SH2D4A: variants seen among roughly 807,000 people sequenced by gnomAD.
SH2D4A encodes SH2 domain-containing protein 4A.
A neutral mutation model predicts 64.7 loss-of-function variants in SH2D4A; 70 were observed. That is an observed-to-expected ratio of 1.08 (90% CI 0.89 to 1.32). The LOEUF (loss-of-function observed/expected upper bound fraction) is 1.32. Ranked by LOEUF, SH2D4A falls within the 40% of genes most tolerant of loss-of-function variation. The pLI is 0.00. For synonymous variants in SH2D4A, 268 were observed against 200.7 expected (o/e 1.34, Z -2.83); for missense variants, 706 against 540.1 (o/e 1.31, Z -3.04).
Position 19,393,350 on chromosome 8 carries a change from C to A in SH2D4A, c.1081C>A (p.Leu361Ile), listed in dbSNP as rs940204981. The A allele has an allele frequency of 3.7e-6, 6 of 1,614,106 alleles. No individual in the cohort carries two copies. The African/African-American group carries it at 6.7e-5, about 18-fold the overall frequency. The stretch of plus-strand genomic sequence containing the variant: ...CACACTCAAGAAAGCAAATGAACTT[C>A]TTCTGAGCACAGGCATGCCCGGCAG... ...ILTLKKANELLLSTGMPGSFL... is the reference protein window; with the variant it reads ...ILTLKKANELILSTGMPGSFL... The change falls in exon 9 of 10, where the codon CTT (leucine) becomes ATT (isoleucine). Residue 361 changes from leucine to isoleucine, a missense_variant. Leu to Ile is a conservative substitution (Grantham distance 5, BLOSUM62 2). Coordinates refer to ENST00000265807, the MANE Select transcript of SH2D4A (RefSeq NM_022071.4).
chr8:19,391,846 C>A (rs922575455), intron 8 of SH2D4A, among the ~76,000 whole-genome samples: 1 of 152,222 alleles, frequency 6.6e-6, no homozygotes, highest in East Asian at 1.9e-4. Flanking sequence ...CAGCCCCTTG[C>A]CTTTTCCTGA....
chr8:19,381,212 G>A (rs2153651118), intron 8 of SH2D4A, among the ~76,000 whole-genome samples: 1 of 152,086 alleles, frequency 6.6e-6, no homozygotes, highest in South Asian at 2.1e-4. Context: ...ACCATGCCTG[G>A]CTAATTTTTG....
intron 4 of SH2D4A, among the ~76,000 whole-genome samples, chr8:19,351,397 A>G (rs966219147): frequency 8.5e-5 from 13 of 152,196 alleles, no homozygotes; most frequent in African/African-American, 3.1e-4. Flanking sequence ...AGGTCAGGAG[A>G]TGGAGACCAT....
At chr8:19,329,265 C>T (rs1278005701) in intron 2 of SH2D4A, among the ~76,000 whole-genome samples, 1 of 152,172 alleles carries the variant, frequency 6.6e-6, no homozygotes, top group Non-Finnish European at 1.5e-5. Flanking sequence ...TCCCCTGAAT[C>T]CTCACTGGAC....
intron 7 of SH2D4A, among the ~76,000 whole-genome samples, chr8:19,369,991 AGGATT>A (rs1318521309): frequency 6.6e-6 from 1 of 152,044 alleles, no homozygotes; most frequent in African/African-American, 2.4e-5. Context: ...TGTATCCCAT[AGGATT>A]TGGTATGTTG....
At chr8:19,358,028 C>T (rs1000023311) in intron 5 of SH2D4A, among the ~76,000 whole-genome samples, 1 of 152,180 alleles carries the variant, frequency 6.6e-6, no homozygotes, top group Non-Finnish European at 1.5e-5. Flanking sequence ...CATGAACTTG[C>T]ATTTTTAAGA....
At chr8:19,343,019 CCT>C (rs773245663) in intron 4 of SH2D4A, among the ~76,000 whole-genome samples, 1 of 152,126 alleles carries the variant, frequency 6.6e-6, no homozygotes, top group African/African-American at 2.4e-5. Flanking sequence ...TTTAGAGCAG[CCT>C]CTCTGCCCTG....
chr8:19,386,740 T>C (rs1349953284), intron 8 of SH2D4A, among the ~76,000 whole-genome samples: 1 of 152,216 alleles, frequency 6.6e-6, no homozygotes, highest in African/African-American at 2.4e-5. Flanking sequence ...TAATTTAGTA[T>C]TTTAAAAGCC....
At chr8:19,333,625 G>C (rs2052397755) in intron 3 of SH2D4A, among the ~76,000 whole-genome samples, 1 of 152,150 alleles carries the variant, frequency 6.6e-6, no homozygotes, top group African/African-American at 2.4e-5. Flanking sequence ...AAGGTACTGG[G>C]AATTCAAAGA....
chr8:19,375,286 C>T (rs773702147), intron 8 of SH2D4A: 8 of 152,168 alleles, frequency 5.3e-5, no homozygotes, highest in Non-Finnish European at 1.2e-4. Context: ...TACAGTTTCA[C>T]ATTTTCATGA....
chr8:19,324,045 CTG>C (rs1421895531), intron 2 of SH2D4A, among the ~76,000 whole-genome samples: 2 of 152,222 alleles, frequency 1.3e-5, no homozygotes, highest in African/African-American at 4.8e-5. Flanking sequence ...TGACTTTTGT[CTG>C]AAGCTACCTT....
At chr8:19,357,329 T>A (rs762638023) in intron 5 of SH2D4A, 46 bp downstream of exon 5, 3 of 1,289,020 alleles carry the variant, frequency 2.3e-6, no homozygotes, top group Middle Eastern at 1.9e-4. Flanking sequence ...TACCTAGGCA[T>A]TTCCACTAAT....
At chr8:19,335,419 G>T (rs1021147481) in intron 4 of SH2D4A, among the ~76,000 whole-genome samples, 1 of 152,142 alleles carries the variant, frequency 6.6e-6, no homozygotes, top group African/African-American at 2.4e-5. Flanking sequence ...AATGCAATTT[G>T]GCATTTTAAG....
chr8:19,386,175 G>A (rs1466997867), intron 8 of SH2D4A, among the ~76,000 whole-genome samples: 4 of 152,202 alleles, frequency 2.6e-5, no homozygotes, highest in Admixed American at 1.3e-4. Context: ...TGTCATTAAA[G>A]CAAAGCACGT....
chr8:19,375,875 T>A (rs28508542), intron 8 of SH2D4A, among the ~76,000 whole-genome samples: 1 of 152,012 alleles, frequency 6.6e-6, no homozygotes, highest in Non-Finnish European at 1.5e-5. Flanking sequence ...ATTGTAAATT[T>A]AAGATTTACA....
At chr8:19,337,032 A>G (rs2052456053) in intron 4 of SH2D4A, among the ~76,000 whole-genome samples, 1 of 152,194 alleles carries the variant, frequency 6.6e-6, no homozygotes, top group Non-Finnish European at 1.5e-5. Context: ...TGAGAGTGGC[A>G]CTGTTGCCTT....
At chr8:19,357,335 C>A in intron 5 of SH2D4A, 52 bp downstream of exon 5, 1 of 1,251,436 alleles carries the variant, frequency 8.0e-7, no homozygotes, top group Non-Finnish European at 1.2e-6. Context: ...GGCATTTCCA[C>A]TAATGTTTCA....
At chr8:19,339,495 C>CTTTTTTTTT (rs5889867) in intron 4 of SH2D4A, among the ~76,000 whole-genome samples, 11 of 129,006 alleles carry the variant, frequency 8.5e-5, no homozygotes, top group African/African-American at 8.8e-5. Context: ...TATAAACTTT[C>CTTTTTTTTT]TTTTTTTTTT....
chr8:19,378,647 G>A (rs1037870494), intron 8 of SH2D4A, among the ~76,000 whole-genome samples: 10 of 152,102 alleles, frequency 6.6e-5, no homozygotes, highest in Admixed American at 2.0e-4. Context: ...TGTTGGCCAG[G>A]CTGGTCTCGA....
Sources: gnomAD v4.1 joint callset for allele counts (sites outside exome capture counted in the v4.1 genomes callset) on GRCh38, gnomAD v4.1.1 for gene constraint, MANE v1.5 for transcripts, NCBI Gene and HGNC (gene_info 2026-07-23, HGNC 2026-07-21) for gene names.